The following APOBEC1 variants were observed in gnomAD, a reference collection of about 807,000 sequenced individuals.
APOBEC1 encodes the protein C->U-editing enzyme APOBEC-1.
APOBEC1 carries 22 observed loss-of-function variants against 26.3 expected under a neutral mutation model. The observed-to-expected ratio is 0.84, with a 90% CI of 0.60 to 1.19. The LOEUF (loss-of-function observed/expected upper bound fraction) is 1.19, where lower values mean the gene tolerates loss of function less well. Among genes scored for constraint, APOBEC1 ranks in the 50% most tolerant of loss-of-function variants. The probability of loss-of-function intolerance (pLI) is 0.00; values close to 1 mark genes in which losing one functional copy is unlikely to be tolerated. For synonymous variants in APOBEC1, 77 were observed against 95.3 expected (o/e 0.81, Z 1.12); for missense variants, 253 against 289.0 (o/e 0.88, Z 0.90).
At chr12:7,662,561 C>T (rs1164293993) in intron 1 of APOBEC1, among the ~76,000 whole-genome samples, 3 of 151,816 alleles carry the variant, frequency 2.0e-5, no homozygotes, top group East Asian at 1.9e-4. Context: ...CTAGCCTGGG[C>T]GACAGAGCGA....
At chr12:7,666,053 A>G (rs1863888850), upstream of APOBEC1, 1 of 704,248 alleles carries the variant, frequency 1.4e-6, no homozygotes, top group Non-Finnish European at 2.6e-6. Flanking sequence ...TGAGAGGGAC[A>G]TTATCGTGGG....
At chr12:7,651,809 T>TTTATTTTA (rs1390987665) in intron 3 of APOBEC1, among the ~76,000 whole-genome samples, 19 of 147,480 alleles carry the variant, frequency 1.3e-4, no homozygotes, top group African/African-American at 4.0e-4. Flanking sequence ...TTTATTTTAT[T>TTTATTTTA]TTTTATTTTA....
At chr12:7,662,537 C>A (rs1014540662) in intron 1 of APOBEC1, among the ~76,000 whole-genome samples, 1 of 151,054 alleles carries the variant, frequency 6.6e-6, no homozygotes, top group Non-Finnish European at 1.5e-5. Flanking sequence ...AAGCCAAGAT[C>A]ACACCATTGC....
chr12:7,662,290 A>T (rs1054557492), intron 1 of APOBEC1, among the ~76,000 whole-genome samples: 1 of 152,054 alleles, frequency 6.6e-6, no homozygotes, highest in Non-Finnish European at 1.5e-5. Context: ...TTAAAAATTT[A>T]AAAAAAGACG....
chr12:7,657,170 A>T (rs150878247), intron 1 of APOBEC1, among the ~76,000 whole-genome samples: 1 of 152,132 alleles, frequency 6.6e-6, no homozygotes, highest in Non-Finnish European at 1.5e-5. Flanking sequence ...AGCCAGAATC[A>T]TTTGAACCAA....
rs754081802 is a variant in APOBEC1 at position 7,660,168 on chromosome 12, T to C, written c.17-5536A>G. Among the ~76,000 whole-genome samples the C allele has an allele frequency of 2.0e-3, 298 of 150,716 alleles. 1 individual carries two copies. Among genetic ancestry groups the C allele is most frequent in the African/African-American group, 6.8e-3 (280 of 41,004 alleles). ...AAATACAAAAATTAGCCAGGTGTGG[T>C]GGCAGGCACCTGTAATCCCTGCTAT... On this transcript the variant is annotated intron_variant, in intron 1 of 4. Coordinates refer to ENST00000229304, the MANE Select transcript of APOBEC1 (RefSeq NM_001644.5).
chr12:7,654,170 T>C (rs1863682825), intron 2 of APOBEC1, among the ~76,000 whole-genome samples: 1 of 151,964 alleles, frequency 6.6e-6, no homozygotes, highest in South Asian at 2.1e-4. Context: ...AGCATGCGAT[T>C]TAAAAAAAGA....
chr12:7,654,440 T>C (rs1863686939), intron 2 of APOBEC1, among the ~76,000 whole-genome samples, 165 bp downstream of exon 2: 1 of 147,426 alleles, frequency 6.8e-6, no homozygotes. Context: ...GGTGCAATCA[T>C]AGCTCACTGC....
chr12:7,660,385 A>AAAAAGAAAGC (rs1863796154), intron 1 of APOBEC1, among the ~76,000 whole-genome samples: 1 of 97,220 alleles, frequency 1.0e-5, no homozygotes, highest in Admixed American at 9.8e-5. Flanking sequence ...GGAAAGAAAG[A>AAAAAGAAAGC]AAGAAAGAAA....
intron 3 of APOBEC1, among the ~76,000 whole-genome samples, chr12:7,651,807 A>T (rs182164654): frequency 0.19 from 26,552 of 141,752 alleles, 2,628 homozygotes; most frequent in South Asian, 0.35. Flanking sequence ...TTTTTATTTT[A>T]TTTTTTATTT....
At chr12:7,651,439 C>T (rs1221645238) in intron 3 of APOBEC1, among the ~76,000 whole-genome samples, 1 of 151,910 alleles carries the variant, frequency 6.6e-6, no homozygotes, top group South Asian at 2.1e-4. Flanking sequence ...ACAGTGAAAC[C>T]CCGTCTCTAC....
chr12:7,650,925 A>G, intron 4 of APOBEC1, 98 bp downstream of exon 4: 1 of 834,938 alleles, frequency 1.2e-6, no homozygotes, highest in Non-Finnish European at 2.0e-6. Flanking sequence ...CTCAATATAA[A>G]TGTCAAAAAG....
chr12:7,650,959 G>A (rs1863629072), intron 4 of APOBEC1, 64 bp downstream of exon 4: 2 of 1,218,688 alleles, frequency 1.6e-6, no homozygotes, highest in Non-Finnish European at 2.4e-6. Flanking sequence ...AATTTTCTCA[G>A]GAAAGACCTT....
At chr12:7,667,147 G>A (rs146859842), upstream of APOBEC1, among the ~76,000 whole-genome samples, 3,179 of 151,978 alleles carry the variant, frequency 0.021, 47 homozygotes, top group South Asian at 0.056. Context: ...CCTGACCTCA[G>A]GTGATCCACC....
chr12:7,666,876 A>G (rs984967758), upstream of APOBEC1, among the ~76,000 whole-genome samples: 1 of 150,204 alleles, frequency 6.7e-6, no homozygotes, highest in African/African-American at 2.4e-5. Flanking sequence ...TCATCCTTGA[A>G]TCTAAGATTA....
At chr12:7,660,375 G>GAAAAAGAAAAA (rs1555094887) in intron 1 of APOBEC1, among the ~76,000 whole-genome samples, 1 of 23,950 alleles carries the variant, frequency 4.2e-5, no homozygotes, top group Admixed American at 5.0e-4. Context: ...AAGGAAGGAA[G>GAAAAAGAAAAA]GAAAGAAAGA....
At chr12:7,668,998 CT>C (rs2136862950), upstream of APOBEC1, among the ~76,000 whole-genome samples, 1 of 151,976 alleles carries the variant, frequency 6.6e-6, no homozygotes, top group East Asian at 2.0e-4. Context: ...TCCCAAAGTG[CT>C]GGGATTACAG....
intron 1 of APOBEC1, 75 bp downstream of exon 1, chr12:7,665,782 C>T: frequency 7.9e-7 from 1 of 1,264,604 alleles, no homozygotes; most frequent in Non-Finnish European, 1.2e-6. Context: ...CACACACACA[C>T]ACACACACAC....
intron 1 of APOBEC1, among the ~76,000 whole-genome samples, chr12:7,663,919 C>T (rs776439916): frequency 5.3e-5 from 8 of 151,888 alleles, no homozygotes; most frequent in African/African-American, 1.9e-4. Context: ...TGCAATGGCG[C>T]GATCTCGGCT....
Sources: allele counts gnomAD v4.1 joint callset (sites outside exome capture counted in the v4.1 genomes callset), GRCh38; gene constraint gnomAD v4.1.1; transcripts MANE v1.5; gene names NCBI Gene and HGNC (gene_info 2026-07-23, HGNC 2026-07-21).